NBPF19: variants seen among roughly 807,000 people sequenced by gnomAD.
NBPF19 encodes the protein NBPF family member NBPF19.
NBPF19 carries 30 observed loss-of-function variants against 45.9 expected under a neutral mutation model. That is an observed-to-expected ratio of 0.65 (90% confidence interval 0.49 to 0.89). NBPF19 has a LOEUF of 0.89. NBPF19 is among the 40% of genes least tolerant of loss of function. The probability of loss-of-function intolerance (pLI) is 0.00; values close to 1 mark genes in which losing one functional copy is unlikely to be tolerated. For missense variants in NBPF19, 495 were observed against 471.8 expected (o/e 1.05, Z -0.46); for synonymous variants, 183 against 181.2 (o/e 1.01, Z -0.08).
At chr1:149,494,117 T>C (rs1211642517) in intron 17 of NBPF19, among the ~76,000 whole-genome samples, 19 of 135,566 alleles carry the variant, frequency 1.4e-4, no homozygotes, top group South Asian at 9.6e-4. Flanking sequence ...TCTCTCTCTC[T>C]CCCTCTCCCT....
intron 7 of NBPF19, among the ~76,000 whole-genome samples, chr1:149,484,821 AGTCCTCCT>A (rs1419021223): frequency 4.4e-5 from 6 of 136,628 alleles, no homozygotes; most frequent in African/African-American, 1.7e-4. Context: ...AGGTTGGGGA[AGTCCTCCT>A]GGATAATATC....
intron 9 of NBPF19, among the ~76,000 whole-genome samples, chr1:149,487,807 G>C (rs1255331969): frequency 6.7e-6 from 1 of 150,066 alleles, no homozygotes; most frequent in Non-Finnish European, 1.5e-5. Flanking sequence ...GTGTGTGTGT[G>C]TGTGTGTGTG....
rs2087190009 is a variant in NBPF19 at position 149,554,475 on chromosome 1, A to G, written c.11289-20A>G. On this transcript the variant is annotated intron_variant, in intron 93 of 93. Transcript: ENST00000651566. ...TCTGATTTTCCCTGGCTGCTTCTTT[A>G]GTTTTGTCTCCTTTTCCAGGCTCAA... The G allele has an allele frequency of 1.0e-5, 16 of 1,607,492 alleles. No individual in the cohort carries two copies. The South Asian group carries it at 1.5e-4, about 15-fold the overall frequency.
At position 149,487,329 on chromosome 1, in the gene NBPF19, C is replaced by A. The variant is rs1449928820; in HGVS notation, c.989-3C>A. On this transcript the variant is annotated splice_region_variant and splice_polypyrimidine_tract_variant and intron_variant, in intron 8 of 93. Coordinates refer to ENST00000651566, the MANE Select transcript of NBPF19 (RefSeq NM_001351365.2). ...AAGAGGGCCCATCTGAATTTATTTG[C>A]AGGACATCGCTGGGATCAAGTGAAA... The A allele has an allele frequency of 2.4e-5, 38 of 1,562,990 alleles. No individual in the cohort carries two copies. The highest frequency in any genetic ancestry group is 3.1e-5 in the Non-Finnish European group (36 of 1,146,744).
At position 149,555,100 on chromosome 1, in the gene NBPF19, C is replaced by G. The variant is rs1473260060; in HGVS notation, c.*362C>G. 1 of 334,222 alleles carries G rather than the reference C, an allele frequency of 3.0e-6. No individual in the cohort carries two copies. Among genetic ancestry groups the G allele is most frequent in the African/African-American group, 2.2e-5 (1 of 46,212 alleles). 20.7% of individuals were successfully genotyped at this position (334,222 alleles called of 1,614,324 possible). A position where few individuals can be genotyped will look rare whatever the true frequency, so the allele number is the denominator to read the frequency against. ...AGGTCAGTGTCATCTTTGTGTTTAG[C>G]TCATCCAAAGGTGTTACCCTGGTTT... On this transcript the variant is annotated 3_prime_UTR_variant, in exon 94 of 94. Coordinates refer to ENST00000651566, the MANE Select transcript of NBPF19 (RefSeq NM_001351365.2).
chr1:149,484,517 C>T (rs1279550280), intron 7 of NBPF19, among the ~76,000 whole-genome samples: 13 of 144,074 alleles, frequency 9.0e-5, no homozygotes, highest in African/African-American at 1.8e-4. Flanking sequence ...TATATATATA[C>T]ATACACACAA....
At chr1:149,487,580 C>G (rs1332824650) in intron 9 of NBPF19, among the ~76,000 whole-genome samples, 197 bp downstream of exon 9, 1 of 150,898 alleles carries the variant, frequency 6.6e-6, no homozygotes, top group Non-Finnish European at 1.5e-5. Flanking sequence ...CATTTACTAA[C>G]CTAGTGAAAG....
At chr1:149,477,283 G>T (rs1379162326) in intron 2 of NBPF19, among the ~76,000 whole-genome samples, 2 of 150,876 alleles carry the variant, frequency 1.3e-5, no homozygotes, top group Non-Finnish European at 3.0e-5. Flanking sequence ...CTATCTATTA[G>T]TTCTTCATTC....
chr1:149,488,306 G>A lies in NBPF19; in HGVS notation c.1213+121G>A, dbSNP rs2085741127. 21 of 591,282 alleles carry A rather than the reference G, an allele frequency of 3.6e-5. No homozygotes were observed. In the South Asian group the frequency reaches 4.2e-4, roughly 12 times the overall value. 36.6% of individuals were successfully genotyped at this position (591,282 alleles called of 1,614,324 possible). ...TCATTGCCACAGGGAGGACCTATAG[G>A]CACATGTAGGTTGAATGAAACTCTA... On this transcript the variant is annotated intron_variant, in intron 10 of 93. Transcript: ENST00000651566.
chr1:149,488,905 A>G lies in NBPF19; in HGVS notation c.1214A>G (p.Glu405Gly). ...CTGTCCATGTCTGAACTTATTGCAG[A>G]AATTGAAAAGTACCAAGAAGTGGAA... is the stretch of plus-strand genomic sequence containing the variant. ...QRVGLAIDMD[E>G]IEKYQEVEED... Residue 405 changes from glutamate (E) to glycine (G), a missense_variant and splice_region_variant, in exon 11 of 94, where the codon GAA (glutamate) becomes GGA (glycine). Physicochemically the swap from Glu to Gly is moderately conservative, Grantham distance 98. Transcript: ENST00000651566. 1 of 36,344 alleles carries G rather than the reference A, an allele frequency of 2.8e-5. No individual in the cohort carries two copies. 2.3% of individuals were successfully genotyped at this position (36,344 alleles called of 1,614,324 possible).
At chr1:149,554,474 T>C (rs2087189802) in intron 93 of NBPF19, 21 bp from the exon 94 acceptor site, 4 of 1,608,256 alleles carry the variant, frequency 2.5e-6, no homozygotes, top group Admixed American at 1.7e-5. Flanking sequence ...GCTGCTTCTT[T>C]AGTTTTGTCT....
chr1:149,487,528 A>G, intron 9 of NBPF19, 145 bp downstream of exon 9: 1 of 989,212 alleles, frequency 1.0e-6, no homozygotes, highest in Middle Eastern at 3.1e-4. Context: ...TTTTGTTCTC[A>G]TTAGAGTAAA....
intron 17 of NBPF19, among the ~76,000 whole-genome samples, 173 bp from the exon 18 acceptor site, chr1:149,494,145 T>A (rs2085989431): frequency 7.7e-6 from 1 of 129,350 alleles, no homozygotes; most frequent in Non-Finnish European, 1.6e-5. Flanking sequence ...TCTTTCATTC[T>A]TCTCTACCTG....
chr1:149,478,000 C>G lies in NBPF19; in HGVS notation c.231C>G (p.Phe77Leu). 2 of 1,501,148 alleles carry G rather than the reference C, an allele frequency of 1.3e-6. No homozygotes were observed. The highest frequency in any genetic ancestry group is 1.8e-6 in the Non-Finnish European group (2 of 1,085,328). 93.0% of individuals were successfully genotyped at this position (1,501,148 alleles called of 1,614,324 possible). ...IKFMLRNERQ[F>L]KEEKLAEQLK... ...TTATGCTGAGGAATGAGCGACAGTT[C>G]AAGGAGGAGAAGCTTGCAGAGCAGC... is the stretch of plus-strand genomic sequence containing the variant. The change falls in exon 3 of 94, where the codon TTC becomes TTG. Residue 77 changes from phenylalanine (F) to leucine (L), a missense_variant. Transcript: ENST00000651566.
At chr1:149,487,860 T>C (rs1442767833) in intron 9 of NBPF19, among the ~76,000 whole-genome samples, 153 bp from the exon 10 acceptor site, 6 of 132,144 alleles carry the variant, frequency 4.5e-5, no homozygotes, top group African/African-American at 1.1e-4. Context: ...GGCCCTAGTC[T>C]ATCCCAACAT....
rs1340283986 is a variant in NBPF19 at position 149,555,230 on chromosome 1, A to G, written c.*492A>G. ...TGGCTGAGGATTGTATTTCAGAACC[A>G]CCAACTGCTCTTTACAATTGTTAAC... On this transcript the variant is annotated 3_prime_UTR_variant, in exon 94 of 94. Transcript: ENST00000651566. The G allele has an allele frequency of 5.7e-6, 1 of 176,762 alleles. No individual in the cohort carries two copies. The highest frequency in any genetic ancestry group is 2.4e-5 in the African/African-American group (1 of 41,394). 10.9% of individuals were successfully genotyped at this position (176,762 alleles called of 1,614,324 possible).
Position 149,479,040 on chromosome 1 carries a change from C to G in NBPF19, c.439C>G (p.Gln147Glu). The part of the protein sequence containing the change: ...DKSQGQDLQE[Q>E]LAEGCRLAQH... ...GTCCCAGGGGCAGGACCTCCAAGAA[C>G]AGCTGGCTGAGGGGTGTAGACTGGC... is the stretch of plus-strand genomic sequence containing the variant. The change falls in exon 4 of 94, where the codon CAG becomes GAG. Residue 147 changes from glutamine (Q) to glutamate (E), a missense_variant. By Grantham distance (29) the Gln-to-Glu change is conservative. This residue lies in a region of NBPF19 where 5 missense variants were observed against 27.0 expected (regional missense o/e 0.19). Transcript: ENST00000651566. 2 of 1,573,838 alleles carry G rather than the reference C, an allele frequency of 1.3e-6. No individual in the cohort carries two copies. Among genetic ancestry groups the G allele is most frequent in the South Asian group, 2.2e-5 (2 of 90,390 alleles).
In NBPF19 at chr1:149,478,177, G is replaced by A. The variant is rs1438659261; in HGVS notation, c.278+130G>A. ...GCAGAAATTGCCATGACAGGCTCAT[G>A]ACACACAAATATTTATCAGTGAACA... On this transcript the variant is annotated intron_variant, in intron 3 of 93. Coordinates refer to ENST00000651566, the MANE Select transcript of NBPF19 (RefSeq NM_001351365.2). 83 of 775,468 alleles carry A rather than the reference G, an allele frequency of 1.1e-4. 2 individuals carry two copies. The highest frequency in any genetic ancestry group is 1.7e-4 in the Non-Finnish European group (76 of 446,818). 48.0% of individuals were successfully genotyped at this position (775,468 alleles called of 1,614,324 possible). A position where few individuals can be genotyped will look rare whatever the true frequency, so the allele number is the denominator to read the frequency against.
At chr1:149,487,943 G>C (rs2085711806) in intron 9 of NBPF19, 70 bp from the exon 10 acceptor site, 5 of 715,724 alleles carry the variant, frequency 7.0e-6, no homozygotes, top group Middle Eastern at 3.7e-4. Context: ...TGTTAGCCAT[G>C]AAATCTAGCT....
Sources: allele counts gnomAD v4.1 joint callset (sites outside exome capture counted in the v4.1 genomes callset), GRCh38; gene constraint gnomAD v4.1.1; regional missense constraint gnomAD v4.1.1; transcripts MANE v1.5; gene names NCBI Gene and HGNC (gene_info 2026-07-23, HGNC 2026-07-21).